Variants in PPM1L observed in about 807,000 individuals in gnomAD.
PPM1L encodes protein phosphatase 1L.
Under a neutral mutation model 31.4 loss-of-function variants are expected in PPM1L, and 13 were observed. That is an observed-to-expected ratio of 0.41 (90% CI 0.27 to 0.66). PPM1L has a LOEUF of 0.66. PPM1L is among the 30% of genes least tolerant of loss of function. The pLI, the probability that PPM1L is intolerant of heterozygous loss-of-function variation, is 0.29. For missense variants in PPM1L, 326 were observed against 453.7 expected, an observed-to-expected ratio of 0.72 and a Z score of 2.56; for synonymous variants, 184 against 175.4, an observed-to-expected ratio of 1.05 and a Z score of -0.39.
rs71628437 is a variant in PPM1L at position 160,970,787 on chromosome 3, ATTTT to A, written c.574+8896_574+8899del. Among the ~76,000 whole-genome samples the A allele has an allele frequency of 7.2e-5, 7 of 97,186 alleles. 1 individual carries two copies. Among genetic ancestry groups the A allele is most frequent in the Non-Finnish European group, 9.7e-5 (5 of 51,640 alleles). The allele number at this position is 97,186 out of a possible 152,430, so 63.8% of individuals were successfully genotyped here. ...CAAGCTGATTTTAATTTCAGTTATA[ATTTT>A]TTTTTTTTTTTTTTTTTTGAGACGG... On this transcript the variant is annotated intron_variant, in intron 2 of 3. Coordinates refer to ENST00000498165, the MANE Select transcript of PPM1L (RefSeq NM_139245.4).
intron 1 of PPM1L, among the ~76,000 whole-genome samples, chr3:160,919,691 A>G (rs144785357): frequency 2.2e-3 from 338 of 152,272 alleles, no homozygotes; most frequent in African/African-American, 7.7e-3. Context: ...TATAACTGAC[A>G]TAGTTTGTCA....
intron 1 of PPM1L, among the ~76,000 whole-genome samples, chr3:160,774,633 C>A (rs762356928): frequency 2.0e-5 from 3 of 152,286 alleles, no homozygotes; most frequent in Non-Finnish European, 4.4e-5. Context: ...CGCACTACAG[C>A]AAAAATAGTC....
At chr3:160,861,810 G>A (rs571056911) in intron 1 of PPM1L, among the ~76,000 whole-genome samples, 7 of 152,148 alleles carry the variant, frequency 4.6e-5, no homozygotes, top group Admixed American at 2.6e-4. Context: ...GAATTTGCTC[G>A]TGTTTTCCAG....
At chr3:161,008,856 A>C (rs1576779764) in intron 2 of PPM1L, among the ~76,000 whole-genome samples, 1 of 152,320 alleles carries the variant, frequency 6.6e-6, no homozygotes, top group East Asian at 1.9e-4. Flanking sequence ...TCAAGTAGGC[A>C]ATTAGATATA....
intron 1 of PPM1L, among the ~76,000 whole-genome samples, chr3:160,937,451 T>A (rs947033381): frequency 2.6e-5 from 4 of 151,986 alleles, no homozygotes; most frequent in Non-Finnish European, 5.9e-5. Context: ...AAACCCCGTC[T>A]CTACTAAAAA....
chr3:160,822,735 A>G (rs2108091915), intron 1 of PPM1L, among the ~76,000 whole-genome samples: 1 of 152,258 alleles, frequency 6.6e-6, no homozygotes, highest in South Asian at 2.1e-4. Context: ...GCATGCATCC[A>G]TTTGTAAGAA....
Position 160,977,395 on chromosome 3 carries a change from G to A in PPM1L, c.574+15485G>A, listed in dbSNP as rs114482040. 8.8e-3 allele frequency among the ~76,000 whole-genome samples: 1,343 copies of A among 152,306 alleles called. 22 individuals are homozygous for A. The highest frequency in any genetic ancestry group is 0.031 in the African/African-American group (1,274 of 41,560). On this transcript the variant is annotated intron_variant, in intron 2 of 3. Coordinates refer to ENST00000498165, the MANE Select transcript of PPM1L (RefSeq NM_139245.4). Reference sequence around the variant, plus strand: ...TTACTATGTGCCAAGTTCTGGCTACGTGCCGAGAGTCTAAGAAATGGGTAA... The same window carrying A: ...TTACTATGTGCCAAGTTCTGGCTACATGCCGAGAGTCTAAGAAATGGGTAA...
Position 161,065,398 on chromosome 3 carries a change from T to C in PPM1L, c.575-5T>C. 3 of 1,613,364 alleles carry C rather than the reference T, an allele frequency of 1.9e-6. No individual in the cohort carries two copies. Among genetic ancestry groups the C allele is most frequent in the Non-Finnish European group, 2.5e-6 (3 of 1,179,470 alleles). On this transcript the variant is annotated splice_region_variant and splice_polypyrimidine_tract_variant and intron_variant, in intron 2 of 3. Coordinates refer to ENST00000498165, the MANE Select transcript of PPM1L (RefSeq NM_139245.4). ...CCCGCGTTCTCTCTCTCTTCTATTT[T>C]TCAGGCACAACGTGTTTGATTGCTC...
Position 161,075,285 on chromosome 3 carries a change from C to T in PPM1L, c.*6128C>T, listed in dbSNP as rs1437136228. The T allele has an allele frequency of 6.6e-6, 1 of 152,166 alleles. No individual in the cohort carries two copies. Among genetic ancestry groups the T allele is most frequent in the African/African-American group, 2.4e-5 (1 of 41,442 alleles). 9.4% of individuals were successfully genotyped at this position (152,166 alleles called of 1,614,324 possible). On this transcript the variant is annotated 3_prime_UTR_variant, in exon 4 of 4. Coordinates refer to ENST00000498165, the MANE Select transcript of PPM1L (RefSeq NM_139245.4). ...ATAGTCAAGTATCAGGGAAAAACCCCTTTAGGATACCCAGACATTAAAAAT... is the reference window on the plus strand; with the variant it reads ...ATAGTCAAGTATCAGGGAAAAACCCTTTTAGGATACCCAGACATTAAAAAT...
chr3:160,902,980 C>T (rs1713595524), intron 1 of PPM1L, among the ~76,000 whole-genome samples: 1 of 152,124 alleles, frequency 6.6e-6, no homozygotes, highest in Admixed American at 6.6e-5. Flanking sequence ...CAAGTTTGAA[C>T]CCAGCCCTGC....
At chr3:160,991,071 T>C (rs1359741082) in intron 2 of PPM1L, among the ~76,000 whole-genome samples, 2 of 138,364 alleles carry the variant, frequency 1.4e-5, no homozygotes, top group Middle Eastern at 7.1e-3. Flanking sequence ...TAATGATAGC[T>C]GATGAGCTAA....
At chr3:161,025,586 A>G (rs1718358801) in intron 2 of PPM1L, among the ~76,000 whole-genome samples, 1 of 95,720 alleles carries the variant, frequency 1.0e-5, no homozygotes, top group East Asian at 1.3e-3. Context: ...TGAAAAAAAA[A>G]AAAAAAAAGA....
intron 1 of PPM1L, among the ~76,000 whole-genome samples, chr3:160,767,472 T>A (rs1169896372): frequency 6.6e-6 from 1 of 152,126 alleles, no homozygotes; most frequent in Non-Finnish European, 1.5e-5. Context: ...TGAGCTCAGA[T>A]GATCCACCCG....
intron 2 of PPM1L, among the ~76,000 whole-genome samples, chr3:160,976,620 G>A (rs1362352162): frequency 1.3e-5 from 2 of 151,852 alleles, no homozygotes; most frequent in African/African-American, 2.4e-5. Flanking sequence ...TATGTGTCAA[G>A]GAATTTATCC....
At chr3:160,758,132 A>C (rs1285436347) in intron 1 of PPM1L, among the ~76,000 whole-genome samples, 1 of 152,174 alleles carries the variant, frequency 6.6e-6, no homozygotes, top group Non-Finnish European at 1.5e-5. Flanking sequence ...TTCAGAATGC[A>C]GGTTTCTCAC....
chr3:160,793,328 T>G (rs914698308), intron 1 of PPM1L, among the ~76,000 whole-genome samples: 1 of 152,096 alleles, frequency 6.6e-6, no homozygotes, highest in Non-Finnish European at 1.5e-5. Flanking sequence ...AATCATGGAG[T>G]TGGATGGGAC....
intron 2 of PPM1L, among the ~76,000 whole-genome samples, chr3:160,993,913 C>G (rs1217067261): frequency 1.3e-5 from 2 of 152,004 alleles, no homozygotes; most frequent in African/African-American, 2.4e-5. Flanking sequence ...TAACACAAAG[C>G]CTGCTCTCTC....
intron 1 of PPM1L, among the ~76,000 whole-genome samples, chr3:160,869,139 C>A (rs1712206169): frequency 6.6e-6 from 1 of 152,196 alleles, no homozygotes; most frequent in Admixed American, 6.5e-5. Context: ...ATATTAAATT[C>A]ATGGGATTGT....
intron 2 of PPM1L, among the ~76,000 whole-genome samples, chr3:161,052,336 T>G (rs1345703658): frequency 6.6e-6 from 1 of 152,200 alleles, no homozygotes; most frequent in Non-Finnish European, 1.5e-5. Context: ...CTCACACCCC[T>G]GCTGTCTGGC....
Sources: allele counts gnomAD v4.1 joint callset (sites outside exome capture counted in the v4.1 genomes callset), GRCh38; gene constraint gnomAD v4.1.1; transcripts MANE v1.5; gene names NCBI Gene and HGNC (gene_info 2026-07-23, HGNC 2026-07-21).